RORA: variants seen among roughly 807,000 people sequenced by gnomAD.
RORA encodes nuclear receptor ROR-alpha.
Under a neutral mutation model 69.5 loss-of-function variants are expected in RORA, and 7 were observed. That is an observed-to-expected ratio of 0.10 (90% CI 0.06 to 0.19). The LOEUF is 0.19. RORA is among the 10% of genes least tolerant of loss of function. The pLI is 1.00. For synonymous variants in RORA, 261 were observed against 240.8 expected (o/e 1.08, Z -0.78); for missense variants, 457 against 663.0 (o/e 0.69, Z 3.41).
At chr15:60,724,581 C>T (rs16943001) in intron 1 of RORA, among the ~76,000 whole-genome samples, 82,771 of 151,980 alleles carry the variant, frequency 0.54, 24,374 homozygotes, top group Non-Finnish European at 0.67. Context: ...TTTAGGACTC[C>T]GATGCTGTGT....
intron 2 of RORA, among the ~76,000 whole-genome samples, chr15:60,546,798 T>C (rs1039856149): frequency 1.3e-5 from 2 of 152,192 alleles, no homozygotes; most frequent in Admixed American, 1.3e-4. Flanking sequence ...GATCAAACTC[T>C]CCTGCCTCTT....
chr15:60,841,891 C>G (rs1356599209), intron 1 of RORA, among the ~76,000 whole-genome samples: 2 of 152,198 alleles, frequency 1.3e-5, no homozygotes, highest in Non-Finnish European at 2.9e-5. Context: ...ACAAATGAAT[C>G]AATGTGCCAA....
Position 60,633,260 on chromosome 15 carries a change from G to C in RORA, c.196+45397C>G, listed in dbSNP as rs339966. On this transcript the variant is annotated intron_variant, in intron 2 of 10. Transcript: ENST00000335670. ...AACCACAGAGCACCTTGCAGTAAAG[G>C]AAGGAGAAGGTGAACGTGTGCCAGT... Among the ~76,000 whole-genome samples the C allele has an allele frequency of 4.2e-3, 641 of 152,318 alleles. 2 individuals carry two copies. The highest frequency in any genetic ancestry group is 0.014 in the African/African-American group (598 of 41,568).
At chr15:60,815,426 C>T (rs1425041596) in intron 1 of RORA, among the ~76,000 whole-genome samples, 1 of 152,128 alleles carries the variant, frequency 6.6e-6, no homozygotes, top group African/African-American at 2.4e-5. Context: ...GTCCTTAAAA[C>T]AGCGCCTGGC....
At chr15:60,706,899 C>G (rs1287545596) in intron 1 of RORA, among the ~76,000 whole-genome samples, 1 of 152,208 alleles carries the variant, frequency 6.6e-6, no homozygotes, top group African/African-American at 2.4e-5. Flanking sequence ...AATTAACAAA[C>G]TAGTTGCCTC....
intron 1 of RORA, among the ~76,000 whole-genome samples, chr15:60,731,682 G>C (rs189296591): frequency 7.9e-4 from 121 of 152,330 alleles, no homozygotes; most frequent in Admixed American, 2.9e-3. Context: ...CCCACTCCTT[G>C]TTTACAGCAG....
intron 2 of RORA, chr15:60,558,343 C>CTAAT: frequency 7.1e-7 from 1 of 1,416,400 alleles, no homozygotes; most frequent in Non-Finnish European, 1.0e-6. Flanking sequence ...AAAAAAGCTA[C>CTAAT]TAATGGGCAT....
chr15:60,777,558 T>C (rs2072188083), intron 1 of RORA, among the ~76,000 whole-genome samples: 2 of 152,214 alleles, frequency 1.3e-5, no homozygotes, highest in Non-Finnish European at 2.9e-5. Flanking sequence ...GCCTACTACC[T>C]AAATGTGATC....
chr15:60,516,222 T>TAA (rs1567052617), intron 3 of RORA, among the ~76,000 whole-genome samples: 160 of 13,914 alleles, frequency 0.011, 7 homozygotes, highest in African/African-American at 0.039. Flanking sequence ...TATATATATA[T>TAA]TTATATATAT....
intron 1 of RORA, among the ~76,000 whole-genome samples, chr15:60,819,746 G>GACACACACACACACACACACACACACAC (rs59044853): frequency 8.4e-5 from 10 of 119,292 alleles, no homozygotes; most frequent in African/African-American, 3.0e-4. Context: ...GTCAAACCCA[G>GACACACACACACACACACACACACACAC]ACACACACAC....
chr15:60,942,601 C>T (rs1382258471), intron 1 of RORA, among the ~76,000 whole-genome samples: 3 of 152,218 alleles, frequency 2.0e-5, no homozygotes, highest in Non-Finnish European at 4.4e-5. Context: ...AAGATTATCA[C>T]TTAAAAGAAT....
At chr15:61,217,724 A>G (rs2080053720) in intron 1 of RORA, among the ~76,000 whole-genome samples, 1 of 152,088 alleles carries the variant, frequency 6.6e-6, no homozygotes, top group South Asian at 2.1e-4. Flanking sequence ...AAAGAATGCC[A>G]CCCTTGGGCT....
chr15:60,847,519 G>C (rs1308756481), intron 1 of RORA, among the ~76,000 whole-genome samples: 3 of 151,960 alleles, frequency 2.0e-5, no homozygotes, highest in African/African-American at 2.4e-5. Flanking sequence ...GAACACCTTT[G>C]AGTAGACTTT....
intron 1 of RORA, among the ~76,000 whole-genome samples, chr15:60,847,166 G>C (rs1203941823): frequency 6.6e-6 from 1 of 152,126 alleles, no homozygotes; most frequent in Non-Finnish European, 1.5e-5. Flanking sequence ...AGTATAATGA[G>C]TTGAATAAAT....
At chr15:60,834,304 T>C (rs749817559) in intron 1 of RORA, among the ~76,000 whole-genome samples, 3 of 152,158 alleles carry the variant, frequency 2.0e-5, no homozygotes, top group Non-Finnish European at 2.9e-5. Context: ...GCTAAATGAC[T>C]CCTTAATTCA....
intron 1 of RORA, among the ~76,000 whole-genome samples, chr15:60,991,273 G>T (rs572351439): frequency 1.3e-4 from 18 of 140,784 alleles, no homozygotes; most frequent in African/African-American, 4.3e-4. Flanking sequence ...TTTGTTGAGT[G>T]AGTGAATGAA....
intron 1 of RORA, among the ~76,000 whole-genome samples, chr15:61,158,103 C>T (rs997574787): frequency 6.6e-6 from 1 of 152,212 alleles, no homozygotes; most frequent in Non-Finnish European, 1.5e-5. Context: ...GCTGTGACCA[C>T]TATCCCAAAT....
intron 1 of RORA, among the ~76,000 whole-genome samples, chr15:60,884,950 A>T (rs2073735308): frequency 1.3e-5 from 2 of 152,230 alleles, no homozygotes; most frequent in African/African-American, 4.8e-5. Flanking sequence ...TGAAGAAATA[A>T]CAGGCCCCCA....
chr15:60,520,416 G>C (rs181503627), intron 3 of RORA: 1 of 152,146 alleles, frequency 6.6e-6, no homozygotes, highest in East Asian at 1.9e-4. Context: ...TGGGGGGCGG[G>C]GTTCTCAGAG....
Sources: gnomAD v4.1 joint callset for allele counts (sites outside exome capture counted in the v4.1 genomes callset) on GRCh38, gnomAD v4.1.1 for gene constraint, MANE v1.5 for transcripts, NCBI Gene and HGNC (gene_info 2026-07-23, HGNC 2026-07-21) for gene names.